The following QKI variants were observed in gnomAD, a reference collection of about 807,000 sequenced individuals.
QKI encodes QKI, KH domain containing RNA binding.
A neutral mutation model predicts 39.0 loss-of-function variants in QKI; 10 were observed. The ratio of observed to expected loss-of-function variants is 0.26; its 90% confidence interval spans 0.16 to 0.43. QKI has a LOEUF of 0.43. Ranked by LOEUF, QKI falls within the 20% of genes least tolerant of loss-of-function variation. The pLI is 1.00. For missense variants in QKI, 218 were observed against 428.0 expected (o/e 0.51, Z 4.33); for synonymous variants, 204 against 155.4 (o/e 1.31, Z -2.33).
In QKI at chr6:163,455,198, TC is replaced by T. The variant is rs1267282128; in HGVS notation, c.143-77del. On this transcript the variant is annotated intron_variant, in intron 1 of 7. Transcript: ENST00000361752. Reference sequence around the variant, plus strand: ...TTTTAATGCTTTATCAATGAAACCCTCCCCTGCCCTCTCTTTTTTCCTCTGG... The same window carrying T: ...TTTTAATGCTTTATCAATGAAACCCTCCCTGCCCTCTCTTTTTTCCTCTGG... 3 of 1,135,994 alleles carry T rather than the reference TC, an allele frequency of 2.6e-6. No individual in the cohort carries two copies. The African/African-American group carries it at 4.8e-5, about 18-fold the overall frequency. 70.4% of individuals were successfully genotyped at this position (1,135,994 alleles called of 1,614,324 possible). A position where few individuals can be genotyped will look rare whatever the true frequency, so the allele number is the denominator to read the frequency against.
At chr6:163,502,239 C>G (rs1778815773) in intron 3 of QKI, among the ~76,000 whole-genome samples, 1 of 152,076 alleles carries the variant, frequency 6.6e-6, no homozygotes, top group African/African-American at 2.4e-5. Context: ...GGGAGGATCA[C>G]TTGAGCTGGG....
intron 3 of QKI, among the ~76,000 whole-genome samples, chr6:163,527,181 G>C (rs1303160060): frequency 1.3e-5 from 2 of 152,086 alleles, no homozygotes; most frequent in Non-Finnish European, 2.9e-5. Context: ...TGTAGTTTTT[G>C]TTGGACTCAC....
intron 1 of QKI, among the ~76,000 whole-genome samples, chr6:163,420,392 T>C (rs981625675): frequency 6.6e-6 from 1 of 152,156 alleles, no homozygotes. Flanking sequence ...TGGAAAATGC[T>C]GTGACATTGT....
intron 4 of QKI, among the ~76,000 whole-genome samples, chr6:163,552,143 A>G (rs1782268091): frequency 6.6e-6 from 1 of 152,034 alleles, no homozygotes; most frequent in Admixed American, 6.6e-5. Context: ...TAAGAAAATC[A>G]GAAGGAAGAT....
intron 1 of QKI, among the ~76,000 whole-genome samples, chr6:163,444,003 T>G (rs1789950894): frequency 6.6e-6 from 1 of 152,194 alleles, no homozygotes; most frequent in South Asian, 2.1e-4. Flanking sequence ...TCCCCACTTC[T>G]TCAAGAGCAA....
intron 1 of QKI, among the ~76,000 whole-genome samples, chr6:163,422,445 T>C (rs1346090059): frequency 6.6e-6 from 1 of 152,094 alleles, no homozygotes; most frequent in Non-Finnish European, 1.5e-5. Context: ...AGAACATAAT[T>C]AGTCGGATGT....
chr6:163,465,494 G>A (rs925880381), intron 2 of QKI, among the ~76,000 whole-genome samples: 6 of 151,704 alleles, frequency 4.0e-5, no homozygotes, highest in Admixed American at 3.9e-4. Context: ...CAGGCATGGT[G>A]ATGCATGCCT....
intron 4 of QKI, among the ~76,000 whole-genome samples, chr6:163,550,047 TAGG>T (rs1782128712): frequency 2.6e-5 from 4 of 152,210 alleles, no homozygotes; most frequent in Non-Finnish European, 4.4e-5. Context: ...CATGGGAAAT[TAGG>T]AGAGTTTCAA....
At chr6:163,421,370 A>G (rs746827202) in intron 1 of QKI, among the ~76,000 whole-genome samples, 6 of 152,208 alleles carry the variant, frequency 3.9e-5, no homozygotes, top group Non-Finnish European at 8.8e-5. Context: ...GCAGAGAAAA[A>G]CTACCAGTGC....
intron 7 of QKI, chr6:163,569,305 T>C: frequency 9.6e-7 from 1 of 1,046,018 alleles, no homozygotes; most frequent in Non-Finnish European, 1.2e-6. Flanking sequence ...ATTTTTGTCA[T>C]ATGAAGGTAA....
At chr6:163,558,930 A>G (rs982881205) in intron 4 of QKI, among the ~76,000 whole-genome samples, 2 of 152,140 alleles carry the variant, frequency 1.3e-5, no homozygotes, top group Non-Finnish European at 2.9e-5. Context: ...ACCATATGGC[A>G]GACTACACCA....
At chr6:163,449,991 A>G (rs1358035857) in intron 1 of QKI, among the ~76,000 whole-genome samples, 1 of 151,492 alleles carries the variant, frequency 6.6e-6, no homozygotes, top group South Asian at 2.1e-4. Flanking sequence ...GATTTAACAT[A>G]TGTGTGTATA....
At chr6:163,449,740 GA>G (rs1432868980) in intron 1 of QKI, among the ~76,000 whole-genome samples, 2 of 152,082 alleles carry the variant, frequency 1.3e-5, no homozygotes, top group African/African-American at 4.8e-5. Context: ...TTCTAAACCA[GA>G]AAGTAATATA....
chr6:163,566,699 T>G (rs1242747783), intron 6 of QKI, 22 bp from the exon 7 acceptor site: 1 of 1,612,876 alleles, frequency 6.2e-7, no homozygotes. Flanking sequence ...TAACTTTGTC[T>G]TGGTAATTGC....
intron 3 of QKI, among the ~76,000 whole-genome samples, chr6:163,495,901 G>A (rs1164424086): frequency 1.3e-5 from 2 of 152,218 alleles, no homozygotes; most frequent in Admixed American, 6.5e-5. Flanking sequence ...TTTGGTTAAA[G>A]TAGTGTGAGT....
In QKI at chr6:163,535,212, G is replaced by T. The variant is rs1009443816; in HGVS notation, c.546+87G>T. 1.0e-5 allele frequency: 13 copies of T among 1,278,344 alleles called. No homozygotes were observed. In the African/African-American group the frequency reaches 1.4e-4, roughly 13 times the overall value. 79.2% of individuals were successfully genotyped at this position (1,278,344 alleles called of 1,614,324 possible). Reference sequence around the variant, plus strand: ...ATTATCGTAATGTTTATAAGGAATAGGTTATTGGTTGTTAGAAATTTTATT... The same window carrying T: ...ATTATCGTAATGTTTATAAGGAATATGTTATTGGTTGTTAGAAATTTTATT... On this transcript the variant is annotated intron_variant, in intron 4 of 7. Coordinates refer to ENST00000361752, the MANE Select transcript of QKI (RefSeq NM_006775.3).
At chr6:163,470,176 C>T (rs1792079208) in intron 2 of QKI, among the ~76,000 whole-genome samples, 1 of 152,082 alleles carries the variant, frequency 6.6e-6, no homozygotes, top group Non-Finnish European at 1.5e-5. Flanking sequence ...TTTGCAGAAT[C>T]TGGAGAGGAC....
At chr6:163,428,761 A>T (rs1223120599) in intron 1 of QKI, among the ~76,000 whole-genome samples, 13 of 109,330 alleles carry the variant, frequency 1.2e-4, no homozygotes, top group African/African-American at 4.8e-4. Context: ...TTTTTTTTTT[A>T]AACTGTCAAG....
chr6:163,430,118 A>G (rs1788710886), intron 1 of QKI, among the ~76,000 whole-genome samples: 1 of 152,140 alleles, frequency 6.6e-6, no homozygotes, highest in Non-Finnish European at 1.5e-5. Context: ...GAATGTGGGA[A>G]CATTCTGAGT....
Sources: allele counts gnomAD v4.1 joint callset (sites outside exome capture counted in the v4.1 genomes callset), GRCh38; gene constraint gnomAD v4.1.1; transcripts MANE v1.5; gene names NCBI Gene and HGNC (gene_info 2026-07-23, HGNC 2026-07-21).